CTNNA3: variants seen among roughly 807,000 people sequenced by gnomAD.
CTNNA3 encodes the protein catenin alpha 3, also known as catenin alpha-3.
A neutral mutation model predicts 95.7 loss-of-function variants in CTNNA3; 76 were observed. The ratio of observed to expected loss-of-function variants is 0.79; its 90% CI spans 0.66 to 0.96. The LOEUF is 0.96. Among genes scored for constraint, CTNNA3 ranks in the 40% least tolerant of loss-of-function variants. CTNNA3 has a pLI of 0.00. For missense variants in CTNNA3, 1,191 were observed against 1,089.8 expected, an observed-to-expected ratio of 1.09 and a Z score of -1.31; for synonymous variants, 431 against 374.4, an observed-to-expected ratio of 1.15 and a Z score of -1.74.
At chr10:66,022,837 C>A (rs2079249126) in intron 15 of CTNNA3, among the ~76,000 whole-genome samples, 2 of 152,108 alleles carry the variant, frequency 1.3e-5, no homozygotes, top group Admixed American at 1.3e-4. Context: ...ATTTCCTTAG[C>A]CTATAATCGT....
chr10:67,074,034 C>CTTTTTT lies in CTNNA3; in HGVS notation c.1047+106277_1047+106282dup, dbSNP rs35411851. Among the ~76,000 whole-genome samples the CTTTTTT allele has an allele frequency of 1.7e-3, 190 of 109,446 alleles. 6 individuals are homozygous for CTTTTTT. The highest frequency in any genetic ancestry group is 2.4e-3 in the South Asian group (7 of 2,868). 71.8% of individuals were successfully genotyped at this position (109,446 alleles called of 152,430 possible). On this transcript the variant is annotated intron_variant, in intron 7 of 17. Transcript: ENST00000433211. Reference sequence around the variant, plus strand: ...ATAATGCCAAGTAGCCATTTTAACTCTTTTTTTTTTTTTTTTTTTTGAGAC... The same window carrying CTTTTTT: ...ATAATGCCAAGTAGCCATTTTAACTCTTTTTTTTTTTTTTTTTTTTTTTTTTGAGAC...
At chr10:66,926,376 G>A in intron 7 of CTNNA3, 3 of 658,064 alleles carry the variant, frequency 4.6e-6, no homozygotes, top group Non-Finnish European at 8.2e-6. Context: ...TGCGAATGCG[G>A]TGTTGGGATT....
At position 67,305,073 on chromosome 10, in the gene CTNNA3, A is replaced by G. The variant is rs370318125; in HGVS notation, c.580-85203T>C. On this transcript the variant is annotated intron_variant, in intron 5 of 17. Transcript: ENST00000433211. ...GGGCGGATCACGAAGTCAGGAGATC[A>G]AGACCATCCTTGCTAACACAGTGAA... is the stretch of plus-strand genomic sequence containing the variant. Among the ~76,000 whole-genome samples the G allele has an allele frequency of 1.7e-3, 263 of 152,208 alleles. 1 individual carries two copies. Among genetic ancestry groups the G allele is most frequent in the African/African-American group, 5.6e-3 (232 of 41,560 alleles).
At chr10:66,945,590 C>A (rs751367654) in intron 7 of CTNNA3, among the ~76,000 whole-genome samples, 2 of 152,196 alleles carry the variant, frequency 1.3e-5, no homozygotes, top group Non-Finnish European at 2.9e-5. Flanking sequence ...ACTGGAGTAG[C>A]ACTTTTCATT....
At chr10:67,596,945 A>T (rs1300824653) in intron 3 of CTNNA3, among the ~76,000 whole-genome samples, 3 of 152,170 alleles carry the variant, frequency 2.0e-5, no homozygotes, top group Non-Finnish European at 4.4e-5. Flanking sequence ...CATATTTCTC[A>T]GAGGTTTTCT....
intron 1 of CTNNA3, among the ~76,000 whole-genome samples, chr10:67,668,608 G>A (rs77344567): frequency 6.6e-6 from 1 of 152,110 alleles, no homozygotes; most frequent in African/African-American, 2.4e-5. Flanking sequence ...TAATGGGCAG[G>A]CAGCATATAC....
At chr10:66,169,136 A>G (rs2085288506) in intron 13 of CTNNA3, among the ~76,000 whole-genome samples, 1 of 152,118 alleles carries the variant, frequency 6.6e-6, no homozygotes, top group Admixed American at 6.6e-5. Flanking sequence ...CCTGAACAGT[A>G]CAAATTGAAG....
intron 1 of CTNNA3, among the ~76,000 whole-genome samples, chr10:67,749,690 A>G (rs1404395380): frequency 6.6e-6 from 1 of 152,240 alleles, no homozygotes; most frequent in Non-Finnish European, 1.5e-5. Flanking sequence ...TATAGCACTA[A>G]ATACCCACAT....
At chr10:66,095,681 C>T (rs1332812084) in intron 14 of CTNNA3, among the ~76,000 whole-genome samples, 2 of 151,988 alleles carry the variant, frequency 1.3e-5, no homozygotes, top group East Asian at 3.9e-4. Flanking sequence ...TTCCTATCAC[C>T]AACATAAAGT....
At chr10:66,142,137 A>G (rs1301848488) in intron 13 of CTNNA3, among the ~76,000 whole-genome samples, 2 of 152,088 alleles carry the variant, frequency 1.3e-5, no homozygotes, top group African/African-American at 4.8e-5. Context: ...AGGTTTGTAT[A>G]TTTATTTAGG....
At chr10:66,190,220 T>C (rs553828978) in intron 13 of CTNNA3, among the ~76,000 whole-genome samples, 198 of 152,186 alleles carry the variant, frequency 1.3e-3, no homozygotes, top group Middle Eastern at 3.4e-3. Context: ...ATAACAGTAA[T>C]AGGCAATTTC....
intron 1 of CTNNA3, among the ~76,000 whole-genome samples, chr10:67,668,210 G>C (rs974662821): frequency 6.6e-6 from 1 of 150,838 alleles, no homozygotes; most frequent in South Asian, 2.1e-4. Context: ...ATAACGCTTA[G>C]GGGTAGGGAG....
chr10:67,568,467 G>A (rs74142842), intron 3 of CTNNA3, among the ~76,000 whole-genome samples: 4 of 68,022 alleles, frequency 5.9e-5, no homozygotes, highest in South Asian at 7.3e-4. Context: ...ATATATATAT[G>A]TGTGTGTGTG....
chr10:67,229,592 C>G (rs1195841868), intron 5 of CTNNA3, among the ~76,000 whole-genome samples: 1 of 152,158 alleles, frequency 6.6e-6, no homozygotes, highest in Non-Finnish European at 1.5e-5. Flanking sequence ...CAGAAAGGTC[C>G]TAGAACGATA....
chr10:66,532,937 C>T (rs1276349182), intron 10 of CTNNA3, among the ~76,000 whole-genome samples: 2 of 152,074 alleles, frequency 1.3e-5, no homozygotes, highest in Admixed American at 1.3e-4. Flanking sequence ...ATATCCTTGA[C>T]CTAGTATTTT....
chr10:66,367,889 T>A (rs946481941), intron 12 of CTNNA3, among the ~76,000 whole-genome samples: 54 of 15,132 alleles, frequency 3.6e-3, no homozygotes, highest in African/African-American at 7.4e-3. Context: ...TAATTATTAT[T>A]ATTATTATTA....
chr10:66,917,575 C>A (rs879580960), intron 7 of CTNNA3, among the ~76,000 whole-genome samples: 5 of 152,114 alleles, frequency 3.3e-5, no homozygotes, highest in African/African-American at 1.2e-4. Context: ...GACATTGTTT[C>A]AGAAACAAAA....
At chr10:67,043,967 G>A (rs1469960946) in intron 7 of CTNNA3, among the ~76,000 whole-genome samples, 1 of 136,176 alleles carries the variant, frequency 7.3e-6, no homozygotes, top group African/African-American at 2.6e-5. Flanking sequence ...TTTAGATTCA[G>A]GGGGTACATG....
At position 65,914,274 on chromosome 10, in the gene CTNNA3, A is replaced by G. The variant is rs1365454145; in HGVS notation, c.*6056T>C. ...ATAGGCACCATCATGACTACCAGATACATAAAAGTGAAGATCCCCAATATA... is the reference window on the plus strand; with the variant it reads ...ATAGGCACCATCATGACTACCAGATGCATAAAAGTGAAGATCCCCAATATA... On this transcript the variant is annotated 3_prime_UTR_variant, in exon 18 of 18. Transcript: ENST00000433211. 4 of 152,122 alleles carry G rather than the reference A, an allele frequency of 2.6e-5. No homozygotes were observed. Among genetic ancestry groups the G allele is most frequent in the African/African-American group, 9.7e-5 (4 of 41,432 alleles). The allele number at this position is 152,122 out of a possible 1,614,324, so 9.4% of individuals were successfully genotyped here.
Sources: allele counts gnomAD v4.1 joint callset (sites outside exome capture counted in the v4.1 genomes callset), GRCh38; gene constraint gnomAD v4.1.1; transcripts MANE v1.5; gene names NCBI Gene and HGNC (gene_info 2026-07-23, HGNC 2026-07-21).